The following ST6GAL1 variants were observed in gnomAD, a reference collection of about 807,000 sequenced individuals.
The protein encoded by ST6GAL1 is beta-galactoside alpha-2,6-sialyltransferase 1.
Under a neutral mutation model 38.0 loss-of-function variants are expected in ST6GAL1, and 20 were observed. The ratio of observed to expected loss-of-function variants is 0.53; its 90% CI spans 0.37 to 0.77. The LOEUF (loss-of-function observed/expected upper bound fraction) is 0.77. Ranked by LOEUF, ST6GAL1 falls within the 30% of genes least tolerant of loss-of-function variation. The pLI, the probability that ST6GAL1 is intolerant of heterozygous loss-of-function variation, is 0.00. For missense variants in ST6GAL1, 432 were observed against 496.4 expected (o/e 0.87, Z 1.23); for synonymous variants, 196 against 188.2 (o/e 1.04, Z -0.34).
intron 2 of ST6GAL1, among the ~76,000 whole-genome samples, chr3:187,002,656 A>G (rs1033911442): frequency 6.6e-5 from 10 of 152,166 alleles, no homozygotes; most frequent in Admixed American, 1.3e-4. Context: ...GGGTGAGGAA[A>G]GTTGTGTGAT....
chr3:186,940,543 C>T (rs367831934), intron 1 of ST6GAL1, among the ~76,000 whole-genome samples: 3 of 152,224 alleles, frequency 2.0e-5, no homozygotes, highest in Admixed American at 6.5e-5. Context: ...GCTTTGAATG[C>T]GGCCCAACAC....
At chr3:186,953,525 G>A (rs531947581) in intron 1 of ST6GAL1, among the ~76,000 whole-genome samples, 30 of 152,196 alleles carry the variant, frequency 2.0e-4, no homozygotes, top group East Asian at 7.7e-4. Flanking sequence ...TCCTCCCACC[G>A]ACTTGGCTCT....
At chr3:186,970,113 G>C (rs1292354802) in intron 2 of ST6GAL1, among the ~76,000 whole-genome samples, 1 of 151,996 alleles carries the variant, frequency 6.6e-6, no homozygotes, top group Non-Finnish European at 1.5e-5. Context: ...ATCTGAGATT[G>C]GTACAACATG....
At chr3:186,971,827 C>G (rs569417805) in intron 2 of ST6GAL1, among the ~76,000 whole-genome samples, 62 of 152,210 alleles carry the variant, frequency 4.1e-4, no homozygotes, top group Non-Finnish European at 8.2e-4. Flanking sequence ...TACTTACTGG[C>G]AGCCTAGTTG....
chr3:187,069,907 G>A (rs1719303407), intron 5 of ST6GAL1, among the ~76,000 whole-genome samples: 11 of 152,282 alleles, frequency 7.2e-5, no homozygotes, highest in African/African-American at 2.6e-4. Context: ...TCATGCAAAA[G>A]AAGTCCAAAA....
intron 2 of ST6GAL1, among the ~76,000 whole-genome samples, chr3:186,983,138 G>C (rs1011910182): frequency 1.3e-5 from 2 of 152,108 alleles, no homozygotes; most frequent in Admixed American, 1.3e-4. Context: ...AGAGTGTCTA[G>C]CAGGTAATAA....
At chr3:186,985,700 C>CCTCCACTGCCACCTCTGAGGCTCA in intron 2 of ST6GAL1, among the ~76,000 whole-genome samples, 1 of 149,656 alleles carries the variant, frequency 6.7e-6, no homozygotes, top group East Asian at 2.0e-4. Flanking sequence ...GCTTGAGCCT[C>CCTCCACTGCCACCTCTGAGGCTCA]AGAGGTGGAC....
intron 2 of ST6GAL1, among the ~76,000 whole-genome samples, chr3:186,991,032 G>A (rs2108545464): frequency 6.6e-6 from 1 of 152,200 alleles, no homozygotes; most frequent in East Asian, 1.9e-4. Flanking sequence ...TGTGCTTGGT[G>A]GTAGCTAACT....
At chr3:187,061,792 T>C (rs747369400) in intron 5 of ST6GAL1, among the ~76,000 whole-genome samples, 2 of 152,174 alleles carry the variant, frequency 1.3e-5, no homozygotes, top group Non-Finnish European at 2.9e-5. Flanking sequence ...GCAAAAACTT[T>C]ATGACATCAG....
chr3:186,932,279 G>C (rs1477971046), intron 1 of ST6GAL1, among the ~76,000 whole-genome samples: 1 of 152,180 alleles, frequency 6.6e-6, no homozygotes, highest in African/African-American at 2.4e-5. Context: ...TTTAAACCGG[G>C]TGAAACGGGC....
chr3:187,005,425 G>A (rs147912887), intron 2 of ST6GAL1, among the ~76,000 whole-genome samples: 1,762 of 151,920 alleles, frequency 0.012, 24 homozygotes, highest in African/African-American at 0.041. Context: ...ACAGGTGCCC[G>A]CCACCATGCC....
intron 2 of ST6GAL1, among the ~76,000 whole-genome samples, chr3:187,022,226 G>C (rs1251342189): frequency 1.3e-5 from 2 of 152,090 alleles, no homozygotes; most frequent in Admixed American, 6.5e-5. Context: ...AGGACACCAA[G>C]CTGGTGTCGC....
chr3:186,999,340 C>T (rs143522604), intron 2 of ST6GAL1, among the ~76,000 whole-genome samples: 1 of 152,078 alleles, frequency 6.6e-6, no homozygotes, highest in Non-Finnish European at 1.5e-5. Flanking sequence ...TTTCTGTCCC[C>T]TATGCTAAGG....
At chr3:186,939,177 C>T (rs138573538) in intron 1 of ST6GAL1, among the ~76,000 whole-genome samples, 6 of 151,678 alleles carry the variant, frequency 4.0e-5, no homozygotes, top group Non-Finnish European at 7.4e-5. Flanking sequence ...CAGGCACAAG[C>T]GATCCTCCTG....
intron 2 of ST6GAL1, among the ~76,000 whole-genome samples, chr3:186,982,157 A>AT (rs1245305973): frequency 6.6e-6 from 1 of 152,178 alleles, no homozygotes; most frequent in Admixed American, 6.5e-5. Context: ...TGCTTATACC[A>AT]TTTTGCCTCA....
chr3:186,966,974 C>T (rs1403995862), intron 2 of ST6GAL1, among the ~76,000 whole-genome samples: 1 of 152,192 alleles, frequency 6.6e-6, no homozygotes, highest in Non-Finnish European at 1.5e-5. Context: ...AATATCTCAG[C>T]TTGTTTGGGC....
intron 2 of ST6GAL1, among the ~76,000 whole-genome samples, chr3:187,022,562 A>G (rs1717366429): frequency 6.6e-6 from 1 of 152,210 alleles, no homozygotes; most frequent in African/African-American, 2.4e-5. Context: ...GGGTGAATAG[A>G]TAGTGATTGT....
intron 2 of ST6GAL1, among the ~76,000 whole-genome samples, chr3:186,984,858 T>C (rs1354061034): frequency 4.8e-4 from 62 of 128,214 alleles, no homozygotes; most frequent in African/African-American, 1.8e-3. Flanking sequence ...CTTCCTTCCT[T>C]CCTTCCTTCC....
chr3:186,969,420 C>T (rs1030951436), intron 2 of ST6GAL1, among the ~76,000 whole-genome samples: 11 of 152,200 alleles, frequency 7.2e-5, no homozygotes, highest in Non-Finnish European at 2.9e-5. Flanking sequence ...CCCGTAAACA[C>T]TAATGATATT....
Sources: allele counts gnomAD v4.1 joint callset (sites outside exome capture counted in the v4.1 genomes callset), GRCh38; gene constraint gnomAD v4.1.1; transcripts MANE v1.5; gene names NCBI Gene and HGNC (gene_info 2026-07-23, HGNC 2026-07-21).